Variants in NXPH1 observed in about 807,000 individuals in gnomAD.
NXPH1 encodes neurexophilin-1.
In NXPH1, 5 loss-of-function variants were observed where a neutral mutation model predicts 23.7. That is an observed-to-expected ratio of 0.21 (90% CI 0.11 to 0.44). The LOEUF is 0.44. Ranked by LOEUF, NXPH1 falls within the 20% of genes least tolerant of loss-of-function variation. The pLI is 0.99. For missense variants in NXPH1, 324 were observed against 321.6 expected (o/e 1.01, Z -0.06); for synonymous variants, 144 against 122.2 (o/e 1.18, Z -1.18).
intron 2 of NXPH1, among the ~76,000 whole-genome samples, chr7:8,671,002 AAGAAATC>A (rs1248046133): frequency 6.6e-5 from 10 of 152,330 alleles, no homozygotes; most frequent in Admixed American, 5.2e-4. Flanking sequence ...GTTCTTTAAC[AAGAAATC>A]ATTCAAAAAT....
chr7:8,553,343 T>G (rs1818307933), intron 2 of NXPH1, among the ~76,000 whole-genome samples: 1 of 150,824 alleles, frequency 6.6e-6, no homozygotes, highest in Non-Finnish European at 1.5e-5. Flanking sequence ...TGGGCATTTT[T>G]TTTTTTTTTT....
intron 2 of NXPH1, among the ~76,000 whole-genome samples, chr7:8,610,338 T>C (rs977656964): frequency 1.2e-4 from 18 of 152,312 alleles, no homozygotes; most frequent in African/African-American, 3.8e-4. Context: ...CTAGGAATTT[T>C]ATACACCTGT....
At chr7:8,492,449 C>A (rs1056831990) in intron 2 of NXPH1, among the ~76,000 whole-genome samples, 3 of 151,952 alleles carry the variant, frequency 2.0e-5, no homozygotes, top group Non-Finnish European at 4.4e-5. Context: ...AACAATAATC[C>A]ATTTCAGGGG....
intron 2 of NXPH1, among the ~76,000 whole-genome samples, chr7:8,464,363 T>C (rs1033472624): frequency 6.6e-6 from 1 of 152,202 alleles, no homozygotes; most frequent in Non-Finnish European, 1.5e-5. Context: ...TGCATCTTTT[T>C]CAAATTATTT....
chr7:8,638,419 A>G (rs776484679), intron 2 of NXPH1, among the ~76,000 whole-genome samples: 3 of 152,220 alleles, frequency 2.0e-5, no homozygotes, highest in Admixed American at 6.5e-5. Flanking sequence ...TGAAGTTTGC[A>G]TATTACCACA....
At chr7:8,632,501 T>G (rs1379926939) in intron 2 of NXPH1, among the ~76,000 whole-genome samples, 4 of 152,192 alleles carry the variant, frequency 2.6e-5, no homozygotes, top group Non-Finnish European at 5.9e-5. Flanking sequence ...TCAGTCACTT[T>G]AAGGGTTATC....
chr7:8,478,678 A>C (rs1205699197), intron 2 of NXPH1, among the ~76,000 whole-genome samples: 1 of 152,104 alleles, frequency 6.6e-6, no homozygotes, highest in Non-Finnish European at 1.5e-5. Context: ...CATCCAGAAC[A>C]ACAAATGCCA....
At chr7:8,691,458 A>G (rs569570249) in intron 2 of NXPH1, among the ~76,000 whole-genome samples, 1 of 152,236 alleles carries the variant, frequency 6.6e-6, no homozygotes, top group East Asian at 1.9e-4. Flanking sequence ...CCTTTCTAGA[A>G]CTTCTTAATG....
chr7:8,682,497 C>T (rs1452393098), intron 2 of NXPH1, among the ~76,000 whole-genome samples: 1 of 152,184 alleles, frequency 6.6e-6, no homozygotes, highest in Non-Finnish European at 1.5e-5. Context: ...GATACCACTT[C>T]TACTTTACCA....
chr7:8,522,111 T>C (rs901718482), intron 2 of NXPH1, among the ~76,000 whole-genome samples: 3 of 152,214 alleles, frequency 2.0e-5, no homozygotes, highest in African/African-American at 4.8e-5. Flanking sequence ...TGTTTCAAAA[T>C]TTAGGACTAC....
intron 2 of NXPH1, among the ~76,000 whole-genome samples, chr7:8,748,859 G>GCT (rs1780517082): frequency 6.6e-6 from 1 of 152,142 alleles, no homozygotes; most frequent in African/African-American, 2.4e-5. Flanking sequence ...AGCATTATTA[G>GCT]GAAGATGACA....
At chr7:8,469,085 T>C (rs1033068410) in intron 2 of NXPH1, among the ~76,000 whole-genome samples, 4 of 151,944 alleles carry the variant, frequency 2.6e-5, no homozygotes, top group Non-Finnish European at 5.9e-5. Flanking sequence ...ATCTTTAAGA[T>C]ACAGAAAAAA....
chr7:8,703,771 T>G (rs17406563), intron 2 of NXPH1, among the ~76,000 whole-genome samples: 78,865 of 151,942 alleles, frequency 0.52, 21,799 homozygotes, highest in East Asian at 0.8. Context: ...TTTCATAGCA[T>G]CCCTGAAAGA....
At chr7:8,451,459 T>C (rs971328737) in intron 2 of NXPH1, among the ~76,000 whole-genome samples, 1 of 152,222 alleles carries the variant, frequency 6.6e-6, no homozygotes, top group Admixed American at 6.5e-5. Flanking sequence ...CAAATTATTT[T>C]GGGAATATGA....
chr7:8,566,341 A>G (rs1211593110), intron 2 of NXPH1, among the ~76,000 whole-genome samples: 1 of 151,872 alleles, frequency 6.6e-6, no homozygotes, highest in Non-Finnish European at 1.5e-5. Context: ...GACAGAGACT[A>G]TGATGATTAA....
intron 2 of NXPH1, among the ~76,000 whole-genome samples, chr7:8,628,609 G>C (rs546473513): frequency 6.6e-6 from 1 of 151,582 alleles, no homozygotes. Flanking sequence ...AGAACTGGGG[G>C]GTATGAAAGA....
At chr7:8,449,793 C>A (rs1334030866) in intron 2 of NXPH1, among the ~76,000 whole-genome samples, 1 of 152,178 alleles carries the variant, frequency 6.6e-6, no homozygotes, top group Non-Finnish European at 1.5e-5. Context: ...TTGGGCAGAT[C>A]TTATTTGGGG....
chr7:8,616,291 T>G (rs1819736971), intron 2 of NXPH1, among the ~76,000 whole-genome samples: 1 of 151,980 alleles, frequency 6.6e-6, no homozygotes, highest in African/African-American at 2.4e-5. Flanking sequence ...CCAAACACTT[T>G]CCCCAGGTAC....
intron 2 of NXPH1, among the ~76,000 whole-genome samples, chr7:8,737,539 AC>A (rs915460801): frequency 2.1e-4 from 32 of 152,198 alleles, no homozygotes; most frequent in African/African-American, 7.0e-4. Context: ...GGGTAACCTG[AC>A]CTTTCTCTCT....
Sources: gnomAD v4.1 joint callset for allele counts (sites outside exome capture counted in the v4.1 genomes callset) on GRCh38, gnomAD v4.1.1 for gene constraint, MANE v1.5 for transcripts, NCBI Gene and HGNC (gene_info 2026-07-23, HGNC 2026-07-21) for gene names.